The following PTPRM variants were observed in gnomAD, a reference collection of about 807,000 sequenced individuals.
PTPRM encodes protein tyrosine phosphatase receptor type M, also known as receptor-type tyrosine-protein phosphatase mu.
Under a neutral mutation model 186.7 loss-of-function variants are expected in PTPRM, and 47 were observed. The ratio of observed to expected loss-of-function variants is 0.25; its 90% confidence interval spans 0.20 to 0.32. The LOEUF is 0.32. Ranked by LOEUF, PTPRM falls within the 10% of genes least tolerant of loss-of-function variation. The pLI is 1.00. For missense variants in PTPRM, 1,494 were observed against 1,865.0 expected (o/e 0.80, Z 3.66); for synonymous variants, 668 against 674.9 (o/e 0.99, Z 0.16).
At chr18:7,616,207 A>T (rs2037799556) in intron 1 of PTPRM, among the ~76,000 whole-genome samples, 1 of 152,088 alleles carries the variant, frequency 6.6e-6, no homozygotes, top group Non-Finnish European at 1.5e-5. Context: ...CCAAGGCTGG[A>T]GTGTGGTGGT....
chr18:7,701,296 G>A (rs1473422318), intron 1 of PTPRM, among the ~76,000 whole-genome samples: 5 of 134,352 alleles, frequency 3.7e-5, no homozygotes, highest in Non-Finnish European at 6.3e-5. Flanking sequence ...GAGCCAGACC[G>A]TATCTCAAAA....
chr18:8,371,485 G>A (rs1047194571), intron 24 of PTPRM, among the ~76,000 whole-genome samples: 2 of 152,130 alleles, frequency 1.3e-5, no homozygotes, highest in African/African-American at 4.8e-5. Context: ...GTTTAATGTG[G>A]ACTGATGGAT....
chr18:7,699,220 C>T (rs1457652900), intron 1 of PTPRM, among the ~76,000 whole-genome samples: 7 of 152,230 alleles, frequency 4.6e-5, no homozygotes, highest in East Asian at 3.9e-4. Context: ...TTGTCTTCCA[C>T]GAAACCAGTC....
chr18:7,976,723 T>C (rs1231859729), intron 7 of PTPRM, among the ~76,000 whole-genome samples: 2 of 152,100 alleles, frequency 1.3e-5, no homozygotes, highest in Non-Finnish European at 2.9e-5. Context: ...GGGGAACTAC[T>C]GGAAAGGAAG....
chr18:8,197,473 A>G (rs938765150), intron 14 of PTPRM, among the ~76,000 whole-genome samples: 2 of 152,244 alleles, frequency 1.3e-5, no homozygotes, highest in South Asian at 2.1e-4. Flanking sequence ...TTCATGAGTC[A>G]CTAGTTTAGA....
At chr18:7,875,992 A>G (rs985771037) in intron 2 of PTPRM, among the ~76,000 whole-genome samples, 2 of 152,166 alleles carry the variant, frequency 1.3e-5, no homozygotes, top group African/African-American at 2.4e-5. Context: ...CTGGAATACT[A>G]TGGTAAGTAT....
intron 22 of PTPRM, among the ~76,000 whole-genome samples, chr18:8,337,323 T>C (rs2095445643): frequency 6.6e-6 from 1 of 152,192 alleles, no homozygotes; most frequent in Non-Finnish European, 1.5e-5. Context: ...GAGGTTTAAG[T>C]GTCCCAGGAT....
chr18:8,329,096 G>C (rs577522143), intron 22 of PTPRM, among the ~76,000 whole-genome samples: 41 of 152,330 alleles, frequency 2.7e-4, no homozygotes, highest in Non-Finnish European at 5.4e-4. Context: ...ATGATGTCCT[G>C]TTGTTAAGCA....
intron 3 of PTPRM, among the ~76,000 whole-genome samples, chr18:7,896,408 C>T (rs928789443): frequency 6.6e-6 from 1 of 152,178 alleles, no homozygotes. Flanking sequence ...AGCTCCTACC[C>T]AGAATTTCAG....
At chr18:8,022,433 T>C (rs1316576361) in intron 7 of PTPRM, among the ~76,000 whole-genome samples, 1 of 152,214 alleles carries the variant, frequency 6.6e-6, no homozygotes, top group Non-Finnish European at 1.5e-5. Flanking sequence ...TTCTAAGTCT[T>C]TTCTGCTACA....
At chr18:7,779,913 G>A (rs184431888) in intron 2 of PTPRM, among the ~76,000 whole-genome samples, 9 of 152,124 alleles carry the variant, frequency 5.9e-5, no homozygotes, top group South Asian at 2.1e-4. Context: ...TAAATTCTTC[G>A]TCTGATAAGA....
intron 1 of PTPRM, among the ~76,000 whole-genome samples, chr18:7,726,609 T>C (rs2040554376): frequency 6.6e-6 from 1 of 152,180 alleles, no homozygotes; most frequent in Non-Finnish European, 1.5e-5. Flanking sequence ...ATATGCTTAG[T>C]TCCTCAGTTG....
chr18:7,692,847 T>C (rs1401955008), intron 1 of PTPRM, among the ~76,000 whole-genome samples: 1 of 152,214 alleles, frequency 6.6e-6, no homozygotes, highest in Non-Finnish European at 1.5e-5. Flanking sequence ...GATGTATATA[T>C]GCATGAGAGA....
chr18:8,384,604 G>A lies in PTPRM; in HGVS notation c.3962G>A (p.Gly1321Asp). Reference sequence around the variant, plus strand: ...CCAGAAAACGGAGTACACAGACACGGCCCCATCCAGGTGGAATTTGTCTCT... The same window carrying A: ...CCAGAAAACGGAGTACACAGACACGACCCCATCCAGGTGGAATTTGTCTCT... ...YWPENGVHRH[G>D]PIQVEFVSAD... The change falls in exon 30 of 33, where the codon GGC (glycine) becomes GAC (aspartate). Residue 1321 changes from glycine to aspartate, a missense_variant. By Grantham distance (94) the Gly-to-Asp change is moderately conservative. Transcript: ENST00000580170. The A allele has an allele frequency of 4.3e-6, 7 of 1,614,138 alleles. No individual in the cohort carries two copies. The highest frequency in any genetic ancestry group is 5.9e-6 in the Non-Finnish European group (7 of 1,179,990).
At chr18:8,328,694 G>A (rs765971078) in intron 22 of PTPRM, among the ~76,000 whole-genome samples, 3 of 152,188 alleles carry the variant, frequency 2.0e-5, no homozygotes, top group South Asian at 2.1e-4. Flanking sequence ...AGTCACTGTC[G>A]TAAGTATTCC....
intron 10 of PTPRM, 77 bp from the exon 11 acceptor site, chr18:8,088,672 T>G: frequency 1.6e-6 from 2 of 1,222,488 alleles, no homozygotes; most frequent in Admixed American, 3.4e-5. Context: ...TAATGCTCTT[T>G]GTAAAAGAAA....
At chr18:8,349,835 C>G (rs761533215) in intron 23 of PTPRM, among the ~76,000 whole-genome samples, 3 of 152,212 alleles carry the variant, frequency 2.0e-5, no homozygotes, top group Non-Finnish European at 4.4e-5. Flanking sequence ...TCCAGTGCAG[C>G]TTGGGAATTC....
intron 7 of PTPRM, among the ~76,000 whole-genome samples, chr18:8,040,847 C>A (rs1398037317): frequency 2.0e-5 from 3 of 152,172 alleles, no homozygotes; most frequent in African/African-American, 7.2e-5. Context: ...TATTCCTTGG[C>A]TCAAGTTGAT....
In PTPRM at chr18:8,070,894, T is replaced by C. The variant is rs576144533; in HGVS notation, c.1441+900T>C. Reference sequence around the variant, plus strand: ...TTGTTTCTTCATGTAACTGATAATGTAATTTTGACCATTGATTAAATTGTG... The same window carrying C: ...TTGTTTCTTCATGTAACTGATAATGCAATTTTGACCATTGATTAAATTGTG... On this transcript the variant is annotated intron_variant, in intron 8 of 32. Transcript: ENST00000580170. Among the ~76,000 whole-genome samples the C allele has an allele frequency of 1.6e-4, 24 of 152,368 alleles. No individual in the cohort carries two copies. The South Asian group carries it at 5.0e-3, about 32-fold the overall frequency.
Sources: allele counts gnomAD v4.1 joint callset (sites outside exome capture counted in the v4.1 genomes callset), GRCh38; gene constraint gnomAD v4.1.1; transcripts MANE v1.5; gene names NCBI Gene and HGNC (gene_info 2026-07-23, HGNC 2026-07-21).